Variants in WLS observed in about 807,000 individuals in gnomAD.
WLS encodes Wnt ligand secretion mediator, also known as protein wntless homolog.
A neutral mutation model predicts 62.8 loss-of-function variants in WLS; 23 were observed. That is an observed-to-expected ratio of 0.37 (90% confidence interval 0.26 to 0.52). WLS has a LOEUF of 0.52. Ranked by LOEUF, WLS falls within the 20% of genes least tolerant of loss-of-function variation. WLS has a pLI of 0.92. For missense variants in WLS, 615 were observed against 697.3 expected, an observed-to-expected ratio of 0.88 and a Z score of 1.33; for synonymous variants, 246 against 244.1, an observed-to-expected ratio of 1.01 and a Z score of -0.07.
chr1:68,146,941 G>A (rs960528518), intron 8 of WLS, among the ~76,000 whole-genome samples: 1 of 151,752 alleles, frequency 6.6e-6, no homozygotes, highest in African/African-American at 2.4e-5. Context: ...GCTGAAGTGC[G>A]ATGGCACAAT....
At chr1:68,190,106 T>A (rs1648207461) in intron 2 of WLS, among the ~76,000 whole-genome samples, 1 of 151,982 alleles carries the variant, frequency 6.6e-6, no homozygotes, top group South Asian at 2.1e-4. Context: ...GGCATTATTA[T>A]CCATATTTTA....
intron 1 of WLS, among the ~76,000 whole-genome samples, chr1:68,212,672 G>A (rs1649562411): frequency 6.6e-6 from 1 of 152,012 alleles, no homozygotes; most frequent in Admixed American, 6.6e-5. Flanking sequence ...TTTTATATAT[G>A]TCATTGCCTG....
intron 2 of WLS, among the ~76,000 whole-genome samples, chr1:68,185,929 G>C (rs1297606037): frequency 6.6e-6 from 1 of 152,302 alleles, no homozygotes; most frequent in East Asian, 1.9e-4. Flanking sequence ...CCTCCTGGCT[G>C]TTGGTGGGTG....
chr1:68,226,293 C>A (rs552300337), intron 1 of WLS, among the ~76,000 whole-genome samples: 1 of 152,156 alleles, frequency 6.6e-6, no homozygotes, highest in South Asian at 2.1e-4. Flanking sequence ...GGAGTTCAAT[C>A]CCAGCTTTGA....
chr1:68,196,275 T>A (rs1178387773), intron 1 of WLS, among the ~76,000 whole-genome samples: 1 of 151,982 alleles, frequency 6.6e-6, no homozygotes, highest in Non-Finnish European at 1.5e-5. Flanking sequence ...TTTAAATTTC[T>A]TGGAAAACTT....
chr1:68,231,738 G>A (rs1171862156), intron 1 of WLS: 2 of 464,924 alleles, frequency 4.3e-6, no homozygotes, highest in South Asian at 3.1e-5. Context: ...AGAGCTCCGG[G>A]TTTGCGCCGG....
rs1055559137 is a variant in WLS at position 68,211,856 on chromosome 1, T to G, written c.107-17629A>C. On this transcript the variant is annotated intron_variant, in intron 1 of 11. Coordinates refer to ENST00000262348, the MANE Select transcript of WLS (RefSeq NM_024911.7). ...AGCTTTCAAATCACCATCAAATGAT[T>G]CCTTTATCTAGTGAAGTTGATTCTG... Among the ~76,000 whole-genome samples, 5 of 152,306 alleles carry G rather than the reference T, an allele frequency of 3.3e-5. No individual in the cohort carries two copies. The South Asian group carries it at 8.3e-4, about 25-fold the overall frequency.
At chr1:68,110,805 A>T (rs1031546377) in intron 11 of WLS, among the ~76,000 whole-genome samples, 4 of 151,996 alleles carry the variant, frequency 2.6e-5, no homozygotes, top group African/African-American at 4.8e-5. Context: ...TGAGTGGCTT[A>T]TTCAATAAAT....
chr1:68,226,703 C>A (rs1650153807), intron 1 of WLS, among the ~76,000 whole-genome samples: 1 of 152,098 alleles, frequency 6.6e-6, no homozygotes, highest in Admixed American at 6.5e-5. Flanking sequence ...TCCTCTTTAC[C>A]AACCCCGTGT....
intron 11 of WLS, among the ~76,000 whole-genome samples, chr1:68,104,922 GTAAAA>G (rs1646124890): frequency 6.6e-6 from 1 of 152,152 alleles, no homozygotes; most frequent in African/African-American, 2.4e-5. Flanking sequence ...ACCTGTCTCA[GTAAAA>G]TAAAATTTAG....
chr1:68,186,341 T>C (rs1647935824), intron 2 of WLS, among the ~76,000 whole-genome samples: 1 of 152,178 alleles, frequency 6.6e-6, no homozygotes. Context: ...AAATATGTAG[T>C]ACTTAGATTA....
At chr1:68,159,350 A>C in intron 2 of WLS, 103 bp from the exon 3 acceptor site, 1 of 1,399,686 alleles carries the variant, frequency 7.1e-7, no homozygotes, top group Non-Finnish European at 9.6e-7. Context: ...CCAACGAGAC[A>C]AAAGGGAAAT....
intron 1 of WLS, among the ~76,000 whole-genome samples, chr1:68,219,380 GA>G (rs1649856510): frequency 6.6e-6 from 1 of 152,086 alleles, no homozygotes; most frequent in Non-Finnish European, 1.5e-5. Context: ...CAATATAATG[GA>G]AAAACGTCCC....
intron 11 of WLS, among the ~76,000 whole-genome samples, chr1:68,115,029 G>A (rs1310742912): frequency 6.6e-6 from 1 of 152,194 alleles, no homozygotes; most frequent in Non-Finnish European, 1.5e-5. Flanking sequence ...CATAATGCTG[G>A]TCTGCAGCCA....
chr1:68,141,996 C>A (rs780028292), intron 10 of WLS, among the ~76,000 whole-genome samples: 26 of 152,198 alleles, frequency 1.7e-4, no homozygotes, highest in Non-Finnish European at 1.9e-4. Context: ...TATAAAAAGC[C>A]AGCCACAGGC....
At chr1:68,118,599 G>C (rs1034049236) in intron 11 of WLS, among the ~76,000 whole-genome samples, 12 of 150,452 alleles carry the variant, frequency 8.0e-5, no homozygotes, top group African/African-American at 2.7e-4. Context: ...GGCCCGGCTG[G>C]TTGTGGTGGC....
At chr1:68,149,374 A>G (rs1367455) in intron 6 of WLS, among the ~76,000 whole-genome samples, 8,094 of 152,184 alleles carry the variant, frequency 0.053, 237 homozygotes, top group Middle Eastern at 0.11. Context: ...GCTGGAGGAC[A>G]CCTCATGGAG....
chr1:68,131,722 C>T (rs894612638), intron 11 of WLS, among the ~76,000 whole-genome samples: 2 of 152,226 alleles, frequency 1.3e-5, no homozygotes, highest in East Asian at 3.9e-4. Context: ...GAAGTTCTAA[C>T]CCCTAGAACC....
chr1:68,190,003 C>T (rs193064947), intron 2 of WLS, among the ~76,000 whole-genome samples: 23 of 152,048 alleles, frequency 1.5e-4, no homozygotes, highest in African/African-American at 4.8e-4. Flanking sequence ...AGCGAGACTC[C>T]GTCTCAAAAA....
Sources: allele counts gnomAD v4.1 joint callset (sites outside exome capture counted in the v4.1 genomes callset), GRCh38; gene constraint gnomAD v4.1.1; transcripts MANE v1.5; gene names NCBI Gene and HGNC (gene_info 2026-07-23, HGNC 2026-07-21).